Variants in MFGE8 observed in about 807,000 individuals in gnomAD.
MFGE8 encodes the protein lactadherin.
MFGE8 carries 34 observed loss-of-function variants against 42.6 expected under a neutral mutation model. The observed-to-expected ratio is 0.80, with a 90% CI of 0.61 to 1.06. MFGE8 has a LOEUF of 1.06. Among genes scored for constraint, MFGE8 ranks in the 50% least tolerant of loss-of-function variants. The pLI, the probability that MFGE8 is intolerant of heterozygous loss-of-function variation, is 0.00. For synonymous variants in MFGE8, 230 were observed against 214.8 expected, an observed-to-expected ratio of 1.07 and a Z score of -0.62; for missense variants, 510 against 516.9, an observed-to-expected ratio of 0.99 and a Z score of 0.13.
Position 88,901,461 on chromosome 15 carries a change from A to AGAAGCCTGGGCTGGAGAGAGGTCAAAGAT in MFGE8, c.870+61_870+89dup. 2.3e-6 allele frequency: 3 copies of AGAAGCCTGGGCTGGAGAGAGGTCAAAGAT among 1,327,882 alleles called. 1 individual carries two copies. In the South Asian group the frequency reaches 3.7e-5, roughly 16 times the overall value. 82.3% of individuals were successfully genotyped at this position (1,327,882 alleles called of 1,614,324 possible). A position where few individuals can be genotyped will look rare whatever the true frequency, so the allele number is the denominator to read the frequency against. ...CCAGAACTCTTTTGGGGAGCAGAAGAGAAGCCTGGGCTGGAGAGAGGTCAA... is the reference window on the plus strand; with the variant it reads ...CCAGAACTCTTTTGGGGAGCAGAAGAGAAGCCTGGGCTGGAGAGAGGTCAAAGATGAAGCCTGGGCTGGAGAGAGGTCAA... On this transcript the variant is annotated intron_variant, in intron 6 of 7. Coordinates refer to ENST00000268150, the MANE Select transcript of MFGE8 (RefSeq NM_005928.4).
In MFGE8 at chr15:88,909,889, A is replaced by G; in HGVS notation, c.108T>C (p.Gly36=). ...CTTCTTGGGAAATCTCCTCGCATAA[A>G]CCACCGTTGTGGCAGGGGTTTTTGG... is the stretch of plus-strand genomic sequence containing the variant. ...ICSKNPCHNG[G]LCEEISQEVR... The change falls in exon 2 of 8, where the codon GGT becomes GGC. Residue 36 remains glycine (G), a synonymous_variant. Transcript: ENST00000268150. 2 of 1,614,166 alleles carry G rather than the reference A, an allele frequency of 1.2e-6. No individual in the cohort carries two copies. Among genetic ancestry groups the G allele is most frequent in the Non-Finnish European group, 8.5e-7 (1 of 1,180,020 alleles).
rs1898637736 is a variant in MFGE8, at chr15:88,905,677, G to A, written c.685+80C>T. The A allele has an allele frequency of 2.5e-6, 4 of 1,590,792 alleles. No homozygotes were observed. In the African/African-American group the frequency reaches 5.4e-5, roughly 21 times the overall value. On this transcript the variant is annotated intron_variant, in intron 5 of 7. Transcript: ENST00000268150. The surrounding 1 kb of genome is among the most constrained non-coding windows in gnomAD (Gnocchi z 6.6). The stretch of plus-strand genomic sequence containing the variant: ...TTGCTGCCCTACCTAGCTCAGTTTG[G>A]CTGAGAAAAGAGGCAGCAGGGAGGG...
rs1454282581 is a variant in MFGE8, at chr15:88,913,306, CG to C, written c.13del (p.Arg5AlafsTer89). MPRP[R>X]LLAALCGALL... The stretch of plus-strand genomic sequence containing the variant: ...CGCGCCGCACAGCGCGGCCAGCAGG[CG>C]GGGGCGCGGCATGCTGCGGGGACGC... On this transcript the variant is annotated frameshift_variant, in exon 1 of 8. Coordinates refer to ENST00000268150, the MANE Select transcript of MFGE8 (RefSeq NM_005928.4). LOFTEE classifies it high-confidence loss of function. The C allele has an allele frequency of 2.1e-6, 3 of 1,462,094 alleles. No homozygotes were observed. The highest frequency in any genetic ancestry group is 2.6e-5 in the Admixed American group (1 of 38,274). 90.6% of individuals were successfully genotyped at this position (1,462,094 alleles called of 1,614,324 possible). A position where few individuals can be genotyped will look rare whatever the true frequency, so the allele number is the denominator to read the frequency against.
rs1375619549 is a variant in MFGE8 at position 88,899,563 on chromosome 15, C to T, written c.1027-31G>A. 2.4e-5 allele frequency: 39 copies of T among 1,613,976 alleles called. No homozygotes were observed. The highest frequency in any genetic ancestry group is 3.2e-5 in the Non-Finnish European group (38 of 1,180,008). On this transcript the variant is annotated intron_variant, in intron 7 of 7. Transcript: ENST00000268150. The surrounding 1 kb of genome is among the most constrained non-coding windows in gnomAD (Gnocchi z 6.8). ...GGCAGAGCGGGTGTCAGGAGGACCC[C>T]GAGCCAGCCCCCCTCCCCTCAGAGC...
rs960947906 is a variant in MFGE8 at position 88,906,426 on chromosome 15, A to C, written c.540+200T>G. On this transcript the variant is annotated intron_variant, in intron 4 of 7. Coordinates refer to ENST00000268150, the MANE Select transcript of MFGE8 (RefSeq NM_005928.4). The surrounding 1 kb of genome is among the most constrained non-coding windows in gnomAD (Gnocchi z 4.2). ...TTTGAATCTCACTAGTCTCATCTCT[A>C]AAGTGGGACTATTGCTTATAAACCA... The C allele has an allele frequency of 3.2e-6, 2 of 629,504 alleles. No homozygotes were observed. The highest frequency in any genetic ancestry group is 3.0e-5 in the East Asian group (1 of 33,036). The allele number at this position is 629,504 out of a possible 1,614,324, so 39.0% of individuals were successfully genotyped here.
rs1217198858 is a variant in MFGE8, at chr15:88,899,431, G to A, written c.1128C>T (p.Asn376=). Residue 376 remains asparagine (N), a synonymous_variant, in exon 8 of 8, where the codon AAC becomes AAT. Transcript: ENST00000268150. The surrounding 1 kb of genome is among the most constrained non-coding windows in gnomAD (Gnocchi z 6.8). ...GCAGCTCCAGGCGCAGGGCGATGCG[G>A]TTGTGCCAGGCTACAGGCAGGATGC... ...YVRILPVAWH[N]RIALRLELLG... is the part of the protein sequence containing the mutation. 6.2e-7 allele frequency: 1 copy of A among 1,614,232 alleles called. No individual in the cohort carries two copies. The highest frequency in any genetic ancestry group is 8.5e-7 in the Non-Finnish European group (1 of 1,180,032).
intron 6 of MFGE8, among the ~76,000 whole-genome samples, chr15:88,900,506 G>T (rs376960877): frequency 6.6e-6 from 1 of 152,184 alleles, no homozygotes; most frequent in East Asian, 1.9e-4. Flanking sequence ...GTGTCCACAG[G>T]CAGGCAGCTC....
rs549451279 is a variant in MFGE8 at position 88,898,945 on chromosome 15, G to A, written c.*450C>T. The A allele has an allele frequency of 2.8e-5, 7 of 249,922 alleles. No homozygotes were observed. In the East Asian group the frequency reaches 3.8e-4, roughly 14 times the overall value. The allele number at this position is 249,922 out of a possible 1,614,324, so 15.5% of individuals were successfully genotyped here. ...TGTGGCCACATGGTACCCCAGGGCC[G>A]ACGCAGGGCCGACGGGCAAGAGGCT... On this transcript the variant is annotated 3_prime_UTR_variant, in exon 8 of 8. Coordinates refer to ENST00000268150, the MANE Select transcript of MFGE8 (RefSeq NM_005928.4).
Position 88,901,553 on chromosome 15 carries a change from G to A in MFGE8, c.868C>T (p.Gln290Ter). ...ATATCCCAAGAAGGCTGACCCACCT[G>A]CAGCCACTGATCGTTACCGTAGCTC... is the stretch of plus-strand genomic sequence containing the variant. ...AGSYGNDQWL[Q>*]VDLGSSKEVT... Residue 290 changes from glutamine (Q) to a stop codon, truncating the protein, a stop_gained and splice_region_variant, in exon 6 of 8, where the codon CAG becomes TAG. Transcript: ENST00000268150. LOFTEE classifies it high-confidence loss of function. The A allele has an allele frequency of 7.0e-7, 1 of 1,436,216 alleles. No homozygotes were observed. Among genetic ancestry groups the A allele is most frequent in the Non-Finnish European group, 9.4e-7 (1 of 1,063,888 alleles). 89.0% of individuals were successfully genotyped at this position (1,436,216 alleles called of 1,614,324 possible).
intron 6 of MFGE8, among the ~76,000 whole-genome samples, chr15:88,900,535 G>T (rs1898313220): frequency 6.6e-6 from 1 of 152,286 alleles, no homozygotes. Context: ...ACCCAGCTCC[G>T]CAGTGTGCTC....
chr15:88,905,263 C>T lies in MFGE8; in HGVS notation c.685+494G>A, dbSNP rs1012741692. On this transcript the variant is annotated intron_variant, in intron 5 of 7. Transcript: ENST00000268150. This position sits in a 1 kb window ranked among gnomAD's most constrained non-coding sequence, Gnocchi z 6.6. Reference sequence around the variant, plus strand: ...AGAGATCTAGACCAAGTCTTAATACCTACCAGATGTGTACCCTTAATAAAT... The same window carrying T: ...AGAGATCTAGACCAAGTCTTAATACTTACCAGATGTGTACCCTTAATAAAT... The T allele has an allele frequency of 5.6e-6, 2 of 357,918 alleles. No individual in the cohort carries two copies. Among genetic ancestry groups the T allele is most frequent in the African/African-American group, 4.3e-5 (2 of 46,722 alleles). The allele number at this position is 357,918 out of a possible 1,614,324, so 22.2% of individuals were successfully genotyped here. A position where few individuals can be genotyped will look rare whatever the true frequency, so the allele number is the denominator to read the frequency against.
In MFGE8 at chr15:88,905,958, T is replaced by TG; in HGVS notation, c.541-58dup. 25 of 1,599,850 alleles carry TG rather than the reference T, an allele frequency of 1.6e-5. No homozygotes were observed. Among genetic ancestry groups the TG allele is most frequent in the Non-Finnish European group, 2.1e-5 (25 of 1,167,542 alleles). The stretch of plus-strand genomic sequence containing the variant: ...GGTCCATCTGAGCAGTCCCCCTCCC[T>TG]GGGGTTACCTCATCTTCCTCTTCAG... On this transcript the variant is annotated intron_variant, in intron 4 of 7. Coordinates refer to ENST00000268150, the MANE Select transcript of MFGE8 (RefSeq NM_005928.4). The surrounding 1 kb of genome is among the most constrained non-coding windows in gnomAD (Gnocchi z 6.6).
At chr15:88,900,690 C>T in intron 6 of MFGE8, 5 of 984,706 alleles carry the variant, frequency 5.1e-6, no homozygotes, top group Non-Finnish European at 4.8e-6. Context: ...GGCAGATCAT[C>T]GTCCTGCCAG....
chr15:88,901,796 C>A (rs1305131403), intron 5 of MFGE8, 61 bp from the exon 6 acceptor site: 168 of 1,530,494 alleles, frequency 1.1e-4, no homozygotes, highest in Non-Finnish European at 1.4e-4. Context: ...GGCAGGAGCA[C>A]AAGGCGATGA....
intron 6 of MFGE8, 34 bp downstream of exon 6, chr15:88,901,517 A>AACCCC: frequency 2.8e-6 from 3 of 1,072,608 alleles, no homozygotes; most frequent in Non-Finnish European, 4.2e-6. Flanking sequence ...ATCCCACCCA[A>AACCCC]CCCCAGCCCC....
intron 5 of MFGE8, 38 bp from the exon 6 acceptor site, chr15:88,901,773 C>T: frequency 1.9e-6 from 3 of 1,601,840 alleles, no homozygotes; most frequent in Non-Finnish European, 2.6e-6. Flanking sequence ...ATCTGGGATC[C>T]ACAGCTCCCA....
At chr15:88,900,138 A>G (rs1300208348) in intron 6 of MFGE8, among the ~76,000 whole-genome samples, 1 of 150,954 alleles carries the variant, frequency 6.6e-6, no homozygotes, top group African/African-American at 2.4e-5. Flanking sequence ...GCTACTAGGG[A>G]GGCTGAGTCA....
At position 88,899,374 on chromosome 15, in the gene MFGE8, C is replaced by T. The variant is rs1315924224; in HGVS notation, c.*21G>A. The T allele has an allele frequency of 3.1e-6, 5 of 1,613,714 alleles. No homozygotes were observed. In the South Asian group the frequency reaches 5.5e-5, roughly 18 times the overall value. ...AGCGGGCCCATGGAAAGCAGGAAGA[C>T]CTGGGGGTGGCAGGTGGCCACTAAC... On this transcript the variant is annotated 3_prime_UTR_variant, in exon 8 of 8. Coordinates refer to ENST00000268150, the MANE Select transcript of MFGE8 (RefSeq NM_005928.4). The surrounding 1 kb of genome is among the most constrained non-coding windows in gnomAD (Gnocchi z 6.8).
intron 6 of MFGE8, among the ~76,000 whole-genome samples, chr15:88,901,202 TTCAC>T (rs1403217011): frequency 0.073 from 3,856 of 52,820 alleles, 184 homozygotes; most frequent in Middle Eastern, 0.11. Flanking sequence ...CATTCACACA[TTCAC>T]ACACACACAT....
Sources: gnomAD v4.1 joint callset for allele counts (sites outside exome capture counted in the v4.1 genomes callset) on GRCh38, gnomAD v4.1.1 for gene constraint, Gnocchi (gnomAD v3.1) non-coding constraint, MANE v1.5 for transcripts, NCBI Gene and HGNC (gene_info 2026-07-23, HGNC 2026-07-21) for gene names.